The following CSMD1 variants were observed in gnomAD, a reference collection of about 807,000 sequenced individuals.
CSMD1 encodes CUB and Sushi multiple domains 1, also known as CUB and sushi domain-containing protein 1.
CSMD1 carries 213 observed loss-of-function variants against 417.5 expected under a neutral mutation model. That is an observed-to-expected ratio of 0.51 (90% CI 0.46 to 0.57). The LOEUF (loss-of-function observed/expected upper bound fraction) is 0.57, where lower values mean the gene tolerates loss of function less well. Among genes scored for constraint, CSMD1 ranks in the 20% least tolerant of loss-of-function variants. The probability of loss-of-function intolerance (pLI) is 0.00; values close to 1 mark genes in which losing one functional copy is unlikely to be tolerated. For missense variants in CSMD1, 6,923 were observed against 4,529.7 expected, an observed-to-expected ratio of 1.53 and a Z score of -15.17; for synonymous variants, 2,862 against 1,736.8, an observed-to-expected ratio of 1.65 and a Z score of -16.11.
intron 4 of CSMD1, among the ~76,000 whole-genome samples, chr8:4,002,100 A>T (rs541262894): frequency 6.6e-6 from 1 of 152,328 alleles, no homozygotes; most frequent in East Asian, 1.9e-4. Flanking sequence ...AATATTACAC[A>T]TATAAGACAA....
intron 2 of CSMD1, among the ~76,000 whole-genome samples, chr8:4,558,183 A>C (rs1055950128): frequency 6.6e-6 from 1 of 152,182 alleles, no homozygotes; most frequent in Non-Finnish European, 1.5e-5. Flanking sequence ...AAAAGCATCT[A>C]AACAAGAGCA....
At chr8:4,736,722 G>A (rs1019352860) in intron 1 of CSMD1, among the ~76,000 whole-genome samples, 5 of 152,256 alleles carry the variant, frequency 3.3e-5, no homozygotes, top group Admixed American at 2.0e-4. Context: ...AAAGTTACTG[G>A]GAGAAAATGG....
intron 1 of CSMD1, among the ~76,000 whole-genome samples, chr8:4,711,887 A>C (rs1367669963): frequency 6.6e-6 from 1 of 152,212 alleles, no homozygotes; most frequent in Non-Finnish European, 1.5e-5. Flanking sequence ...GGCACAAATA[A>C]TACCAGCTGG....
chr8:4,242,283 G>C (rs1802448655), intron 3 of CSMD1, among the ~76,000 whole-genome samples: 1 of 152,102 alleles, frequency 6.6e-6, no homozygotes, highest in African/African-American at 2.4e-5. Flanking sequence ...TTACAGTGAA[G>C]GGCAGACTGG....
intron 3 of CSMD1, among the ~76,000 whole-genome samples, chr8:4,177,764 C>T (rs745698629): frequency 3.3e-5 from 5 of 151,622 alleles, no homozygotes; most frequent in African/African-American, 9.7e-5. Context: ...ACCGATCCCA[C>T]TGAAATACAA....
intron 1 of CSMD1, among the ~76,000 whole-genome samples, chr8:4,958,830 T>C (rs1375058575): frequency 6.6e-6 from 1 of 152,148 alleles, no homozygotes; most frequent in East Asian, 1.9e-4. Flanking sequence ...CTGACAAGTG[T>C]CTAAAAAATG....
At chr8:4,836,322 G>A (rs1800488254) in intron 1 of CSMD1, among the ~76,000 whole-genome samples, 1 of 152,078 alleles carries the variant, frequency 6.6e-6, no homozygotes, top group Non-Finnish European at 1.5e-5. Context: ...CACTTTAGCA[G>A]TGCACCATTT....
chr8:4,477,021 G>A (rs898908182), intron 2 of CSMD1, among the ~76,000 whole-genome samples: 1 of 152,194 alleles, frequency 6.6e-6, no homozygotes, highest in African/African-American at 2.4e-5. Flanking sequence ...GTGGTTACAG[G>A]GATTTCCCTC....
At chr8:3,910,609 C>T (rs780246556) in intron 5 of CSMD1, among the ~76,000 whole-genome samples, 4 of 152,258 alleles carry the variant, frequency 2.6e-5, no homozygotes, top group Non-Finnish European at 5.9e-5. Flanking sequence ...CAGCAAAAGA[C>T]AGATGATTTT....
At chr8:3,576,197 G>T (rs1386544818) in intron 9 of CSMD1, among the ~76,000 whole-genome samples, 1 of 151,908 alleles carries the variant, frequency 6.6e-6, no homozygotes, top group Admixed American at 6.6e-5. Context: ...GGGGGGACAA[G>T]AATTAACCAC....
At chr8:4,117,497 T>C (rs1043776987) in intron 3 of CSMD1, among the ~76,000 whole-genome samples, 5 of 152,194 alleles carry the variant, frequency 3.3e-5, no homozygotes, top group African/African-American at 1.2e-4. Flanking sequence ...GTGCTATAAA[T>C]CATCTCCCTC....
chr8:3,371,745 A>G (rs1809963272), intron 18 of CSMD1, among the ~76,000 whole-genome samples: 2 of 152,218 alleles, frequency 1.3e-5, no homozygotes, highest in African/African-American at 4.8e-5. Flanking sequence ...TTTAATACGT[A>G]AACCTCATGG....
intron 3 of CSMD1, among the ~76,000 whole-genome samples, chr8:4,271,721 C>G (rs1804609384): frequency 6.6e-6 from 1 of 152,008 alleles, no homozygotes; most frequent in Non-Finnish European, 1.5e-5. Flanking sequence ...CTACTAAATC[C>G]CAGGCCTGTA....
chr8:4,007,966 A>G (rs2740963), intron 4 of CSMD1, among the ~76,000 whole-genome samples: 56,818 of 152,084 alleles, frequency 0.37, 10,675 homozygotes, highest in East Asian at 0.43. Flanking sequence ...TCAGATAAAA[A>G]TTAATTACCA....
chr8:3,860,031 C>T (rs548856203), intron 5 of CSMD1, among the ~76,000 whole-genome samples: 1 of 152,204 alleles, frequency 6.6e-6, no homozygotes, highest in South Asian at 2.1e-4. Flanking sequence ...TAAGAATGTG[C>T]TTGTGGAGGG....
intron 19 of CSMD1, among the ~76,000 whole-genome samples, chr8:3,368,569 C>T (rs1006640608): frequency 6.6e-6 from 1 of 152,256 alleles, no homozygotes; most frequent in East Asian, 1.9e-4. Context: ...GAACTCCTGA[C>T]CTCAGGTGAT....
At chr8:3,400,585 T>A (rs1016977531) in intron 15 of CSMD1, among the ~76,000 whole-genome samples, 51 of 152,078 alleles carry the variant, frequency 3.4e-4, no homozygotes, top group African/African-American at 1.2e-3. Flanking sequence ...GACCATATAT[T>A]GGAATGTGGC....
intron 2 of CSMD1, among the ~76,000 whole-genome samples, chr8:4,428,928 G>A (rs1585059505): frequency 6.6e-6 from 1 of 151,912 alleles, no homozygotes; most frequent in African/African-American, 2.4e-5. Context: ...TGGCCAGGCT[G>A]GTCTCAGATT....
intron 3 of CSMD1, among the ~76,000 whole-genome samples, chr8:4,184,175 ATGT>A (rs1232233214): frequency 2.0e-5 from 3 of 152,220 alleles, no homozygotes; most frequent in Admixed American, 6.5e-5. Context: ...AGCAATGGAA[ATGT>A]TATATTAAAT....
Sources: gnomAD v4.1 joint callset for allele counts (sites outside exome capture counted in the v4.1 genomes callset) on GRCh38, gnomAD v4.1.1 for gene constraint, MANE v1.5 for transcripts, NCBI Gene and HGNC (gene_info 2026-07-23, HGNC 2026-07-21) for gene names.